The following SRD5A3 variants were observed in gnomAD, a reference collection of about 807,000 sequenced individuals.
SRD5A3 encodes steroid 5 alpha-reductase 3, also known as polyprenal reductase.
A neutral mutation model predicts 34.3 loss-of-function variants in SRD5A3; 24 were observed. That is an observed-to-expected ratio of 0.70 (90% CI 0.51 to 0.99). The LOEUF is 0.99. Ranked by LOEUF, SRD5A3 falls within the 50% of genes least tolerant of loss-of-function variation. SRD5A3 has a pLI of 0.00. For synonymous variants in SRD5A3, 161 were observed against 167.3 expected (o/e 0.96, Z 0.29); for missense variants, 350 against 388.2 (o/e 0.90, Z 0.83).
chr4:55,350,554 T>A (rs1188444164), intron 1 of SRD5A3, among the ~76,000 whole-genome samples: 1 of 152,162 alleles, frequency 6.6e-6, no homozygotes, highest in Non-Finnish European at 1.5e-5. Flanking sequence ...AGTGATGTCA[T>A]AAATTGTGAA....
intron 1 of SRD5A3, among the ~76,000 whole-genome samples, chr4:55,355,175 T>A (rs993575110): frequency 6.6e-6 from 1 of 152,166 alleles, no homozygotes; most frequent in South Asian, 2.1e-4. Context: ...CGAAAATGTA[T>A]AGGCCGGGTG....
rs765413862 is a variant in SRD5A3, at chr4:55,364,041, G to C, written c.365-33G>C. ...AAAACTTTGGATTAATCCCAGAAGA[G>C]AAATGCTGACCCTGTTGCCTTCTGA... On this transcript the variant is annotated intron_variant, in intron 2 of 4. Transcript: ENST00000264228. 10 of 1,610,324 alleles carry C rather than the reference G, an allele frequency of 6.2e-6. No homozygotes were observed. The South Asian group carries it at 9.9e-5, about 16-fold the overall frequency.
chr4:55,370,404 C>A lies in SRD5A3; in HGVS notation c.*313C>A. 24 of 175,844 alleles carry A rather than the reference C, an allele frequency of 1.4e-4. No individual in the cohort carries two copies. Among genetic ancestry groups the A allele is most frequent in the Admixed American group, 2.3e-4 (3 of 13,070 alleles). 10.9% of individuals were successfully genotyped at this position (175,844 alleles called of 1,614,324 possible). ...CAAGCTGCTTCACAAGCAAACTAACCGAAAAACCGAAAATATACAAACAGC... is the reference window on the plus strand; with the variant it reads ...CAAGCTGCTTCACAAGCAAACTAACAGAAAAACCGAAAATATACAAACAGC... On this transcript the variant is annotated 3_prime_UTR_variant, in exon 5 of 5. Transcript: ENST00000264228.
intron 1 of SRD5A3, among the ~76,000 whole-genome samples, chr4:55,350,065 C>G (rs1269576065): frequency 6.6e-6 from 1 of 152,046 alleles, no homozygotes; most frequent in Non-Finnish European, 1.5e-5. Flanking sequence ...TTAGTAGACA[C>G]ATTAAGAAGT....
intron 1 of SRD5A3, among the ~76,000 whole-genome samples, chr4:55,352,591 A>G (rs1719238387): frequency 6.6e-6 from 1 of 152,354 alleles, no homozygotes; most frequent in South Asian, 2.1e-4. Flanking sequence ...ACTGGTAATA[A>G]GGACCTCGGT....
At position 55,372,278 on chromosome 4, in the gene SRD5A3, C is replaced by T. The variant is rs984459146; in HGVS notation, c.*2187C>T. The T allele has an allele frequency of 1.3e-5, 2 of 152,146 alleles. No individual in the cohort carries two copies. The highest frequency in any genetic ancestry group is 2.9e-5 in the Non-Finnish European group (2 of 68,030). The allele number at this position is 152,146 out of a possible 1,614,324, so 9.4% of individuals were successfully genotyped here. A position where few individuals can be genotyped will look rare whatever the true frequency, so the allele number is the denominator to read the frequency against. On this transcript the variant is annotated 3_prime_UTR_variant, in exon 5 of 5. Coordinates refer to ENST00000264228, the MANE Select transcript of SRD5A3 (RefSeq NM_024592.5). ...AGAGATTTGGCTGATGTTCTGGAAT[C>T]TCATTGTACTCTTAAGTAAAATAAC... is the stretch of plus-strand genomic sequence containing the variant.
chr4:55,346,286 G>C lies in SRD5A3; in HGVS notation c.-51G>C. 7.4e-7 allele frequency: 1 copy of C among 1,354,674 alleles called. No individual in the cohort carries two copies. Among genetic ancestry groups the C allele is most frequent in the Non-Finnish European group, 9.5e-7 (1 of 1,057,242 alleles). 83.9% of individuals were successfully genotyped at this position (1,354,674 alleles called of 1,614,324 possible). A position where few individuals can be genotyped will look rare whatever the true frequency, so the allele number is the denominator to read the frequency against. Reference sequence around the variant, plus strand: ...GCGCGCTAGTGGCCGCTCTTCCGCGGGCTAGCGGGCGGTGGGGGCGCCAGC... The same window carrying C: ...GCGCGCTAGTGGCCGCTCTTCCGCGCGCTAGCGGGCGGTGGGGGCGCCAGC... On this transcript the variant is annotated 5_prime_UTR_variant, in exon 1 of 5. Transcript: ENST00000264228.
chr4:55,351,568 A>G (rs984176063), intron 1 of SRD5A3, among the ~76,000 whole-genome samples: 9 of 152,054 alleles, frequency 5.9e-5, no homozygotes, highest in Admixed American at 1.3e-4. Context: ...GAGGCAGGAC[A>G]ATCGCCAGAA....
At chr4:55,359,692 A>C (rs1478019250) in intron 2 of SRD5A3, among the ~76,000 whole-genome samples, 1 of 152,174 alleles carries the variant, frequency 6.6e-6, no homozygotes, top group African/African-American at 2.4e-5. Flanking sequence ...CCTGAGAAGG[A>C]GACAGAGCCA....
At chr4:55,364,665 G>A (rs535003284) in intron 3 of SRD5A3, 5 of 270,732 alleles carry the variant, frequency 1.8e-5, no homozygotes, top group East Asian at 9.2e-5. Context: ...GCAGTGAGCC[G>A]AGATCGCGCT....
intron 2 of SRD5A3, among the ~76,000 whole-genome samples, chr4:55,359,901 C>T (rs1456453613): frequency 6.6e-6 from 1 of 152,214 alleles, no homozygotes; most frequent in African/African-American, 2.4e-5. Flanking sequence ...ACTTAGAACT[C>T]CAGAAATGTG....
intron 4 of SRD5A3, among the ~76,000 whole-genome samples, chr4:55,369,126 G>A (rs898610280): frequency 2.6e-5 from 4 of 152,136 alleles, no homozygotes; most frequent in Non-Finnish European, 5.9e-5. Flanking sequence ...TCACAATGCC[G>A]ACATGAGATG....
intron 3 of SRD5A3, 122 bp downstream of exon 3, chr4:55,364,393 G>A: frequency 8.5e-7 from 1 of 1,178,326 alleles, no homozygotes; most frequent in Non-Finnish European, 1.2e-6. Flanking sequence ...AATGCATTTT[G>A]CATTTCAGGA....
At chr4:55,356,242 C>T (rs552857716) in intron 1 of SRD5A3, among the ~76,000 whole-genome samples, 1 of 152,186 alleles carries the variant, frequency 6.6e-6, no homozygotes, top group African/African-American at 2.4e-5. Context: ...CTCCCGACCT[C>T]AGGTAATCCG....
At chr4:55,350,149 C>G (rs920697184) in intron 1 of SRD5A3, among the ~76,000 whole-genome samples, 18 of 152,064 alleles carry the variant, frequency 1.2e-4, no homozygotes, top group Non-Finnish European at 2.4e-4. Flanking sequence ...GCGGGTGGAT[C>G]ACCTGAGGTC....
In SRD5A3 at chr4:55,372,045, G is replaced by C. The variant is rs2109492088; in HGVS notation, c.*1954G>C. ...AAACACCACTTAAGATTAACCTGTG[G>C]CTCAGTCTACTTAAATAAATGCCAT... On this transcript the variant is annotated 3_prime_UTR_variant, in exon 5 of 5. Coordinates refer to ENST00000264228, the MANE Select transcript of SRD5A3 (RefSeq NM_024592.5). The C allele has an allele frequency of 6.6e-6, 1 of 152,212 alleles. No homozygotes were observed. The highest frequency in any genetic ancestry group is 1.5e-5 in the Non-Finnish European group (1 of 68,014). The allele number at this position is 152,212 out of a possible 1,614,324, so 9.4% of individuals were successfully genotyped here. A position where few individuals can be genotyped will look rare whatever the true frequency, so the allele number is the denominator to read the frequency against.
At chr4:55,362,079 T>C (rs1458463828) in intron 2 of SRD5A3, among the ~76,000 whole-genome samples, 1 of 152,034 alleles carries the variant, frequency 6.6e-6, no homozygotes, top group Non-Finnish European at 1.5e-5. Flanking sequence ...ATGGGAAGTT[T>C]GGGGGAGGGG....
At chr4:55,352,115 C>G (rs1230836583) in intron 1 of SRD5A3, 11 of 791,844 alleles carry the variant, frequency 1.4e-5, no homozygotes, top group Admixed American at 1.4e-4. Flanking sequence ...ACAAGGAATA[C>G]ACTTGGTATA....
intron 3 of SRD5A3, among the ~76,000 whole-genome samples, chr4:55,367,322 C>T (rs1005878508): frequency 1.3e-5 from 2 of 152,126 alleles, no homozygotes; most frequent in African/African-American, 4.8e-5. Flanking sequence ...ATTCTCTTGC[C>T]AGGGGAACTG....
Sources: allele counts gnomAD v4.1 joint callset (sites outside exome capture counted in the v4.1 genomes callset), GRCh38; gene constraint gnomAD v4.1.1; transcripts MANE v1.5; gene names NCBI Gene and HGNC (gene_info 2026-07-23, HGNC 2026-07-21).